SCUBE1: variants seen among roughly 807,000 people sequenced by gnomAD.
SCUBE1 encodes the protein signal peptide, CUB domain and EGF like domain containing 1.
A neutral mutation model predicts 124.4 loss-of-function variants in SCUBE1; 59 were observed. That is an observed-to-expected ratio of 0.47 (90% confidence interval 0.38 to 0.59). The LOEUF is 0.59. Among genes scored for constraint, SCUBE1 ranks in the 20% least tolerant of loss-of-function variants. The pLI is 0.00. For synonymous variants in SCUBE1, 545 were observed against 550.9 expected (o/e 0.99, Z 0.15); for missense variants, 1,150 against 1,371.2 (o/e 0.84, Z 2.55).
At chr22:43,274,073 T>A (rs1019760255) in intron 4 of SCUBE1, among the ~76,000 whole-genome samples, 1 of 151,914 alleles carries the variant, frequency 6.6e-6, no homozygotes, top group African/African-American at 2.4e-5. Flanking sequence ...CCCAGGCTGG[T>A]CACTAGGTGT....
chr22:43,294,461 A>G (rs572087246), intron 3 of SCUBE1, among the ~76,000 whole-genome samples: 25 of 152,140 alleles, frequency 1.6e-4, no homozygotes, highest in Non-Finnish European at 3.4e-4. Flanking sequence ...GGGCACTATG[A>G]GAAACAGTAC....
At chr22:43,342,097 T>A (rs1355441048) in intron 1 of SCUBE1, among the ~76,000 whole-genome samples, 2 of 151,774 alleles carry the variant, frequency 1.3e-5, no homozygotes, top group Admixed American at 6.6e-5. Flanking sequence ...ACGCCACCCA[T>A]ACCAGACCTC....
At position 43,343,277 on chromosome 22, in the gene SCUBE1, C is replaced by T. The variant is rs1927395468; in HGVS notation, c.-16G>A. The T allele has an allele frequency of 2.7e-6, 3 of 1,106,336 alleles. No homozygotes were observed. The highest frequency in any genetic ancestry group is 4.2e-5 in the South Asian group (1 of 23,938). 68.5% of individuals were successfully genotyped at this position (1,106,336 alleles called of 1,614,324 possible). A position where few individuals can be genotyped will look rare whatever the true frequency, so the allele number is the denominator to read the frequency against. ...CCGCGCCCATGCTCAATGCGGGCCC[C>T]GCTGGGCGTGCGGGCGTGCGGGGCG... On this transcript the variant is annotated 5_prime_UTR_variant, in exon 1 of 22. Coordinates refer to ENST00000360835, the MANE Select transcript of SCUBE1 (RefSeq NM_173050.5).
chr22:43,296,700 C>A (rs1427577175), intron 3 of SCUBE1, among the ~76,000 whole-genome samples: 1 of 152,238 alleles, frequency 6.6e-6, no homozygotes. Flanking sequence ...TCCACAGCCT[C>A]TTTTGATGTA....
At chr22:43,266,839 C>G (rs1309892793) in intron 4 of SCUBE1, among the ~76,000 whole-genome samples, 1 of 152,162 alleles carries the variant, frequency 6.6e-6, no homozygotes, top group Non-Finnish European at 1.5e-5. Context: ...GCTACGTCCC[C>G]TGAAGCTCTC....
intron 3 of SCUBE1, among the ~76,000 whole-genome samples, chr22:43,314,041 C>T (rs923276476): frequency 2.6e-5 from 4 of 152,086 alleles, no homozygotes; most frequent in East Asian, 3.9e-4. Context: ...AGAGGAGGTG[C>T]GAACGGGCCT....
chr22:43,284,684 T>C (rs548486991), intron 4 of SCUBE1, among the ~76,000 whole-genome samples: 1 of 152,346 alleles, frequency 6.6e-6, no homozygotes, highest in East Asian at 1.9e-4. Context: ...TGAATGGAAA[T>C]GCATGGAAAG....
intron 4 of SCUBE1, among the ~76,000 whole-genome samples, chr22:43,269,334 T>C (rs1255651397): frequency 6.6e-6 from 1 of 152,106 alleles, no homozygotes; most frequent in African/African-American, 2.4e-5. Context: ...AGAGAAACGA[T>C]GGCATGGTCT....
At chr22:43,236,932 G>T (rs10427744) in intron 7 of SCUBE1, among the ~76,000 whole-genome samples, 1 of 152,138 alleles carries the variant, frequency 6.6e-6, no homozygotes, top group African/African-American at 2.4e-5. Flanking sequence ...TTCCGTGAGC[G>T]AGCGAGTGAG....
chr22:43,281,525 TGTCACCTCCCTCAGTCACCCTCC>T lies in SCUBE1; in HGVS notation c.484+9498_484+9520del, dbSNP rs1413549085. Among the ~76,000 whole-genome samples, 43 of 78,522 alleles carry T rather than the reference TGTCACCTCCCTCAGTCACCCTCC, an allele frequency of 5.5e-4. 3 individuals are homozygous for T. In the East Asian group the frequency reaches 0.018, roughly 33 times the overall value. 51.5% of individuals were successfully genotyped at this position (78,522 alleles called of 152,430 possible). A position where few individuals can be genotyped will look rare whatever the true frequency, so the allele number is the denominator to read the frequency against. ...GTCACCTCCTCCTCAGCCACCCTCC[TGTCACCTCCCTCAGTCACCCTCC>T]TGTCACCTCCCCCTCAGCCACCCTC... On this transcript the variant is annotated intron_variant, in intron 4 of 21. Coordinates refer to ENST00000360835, the MANE Select transcript of SCUBE1 (RefSeq NM_173050.5).
chr22:43,220,404 T>C (rs748113561), intron 14 of SCUBE1, 46 bp downstream of exon 14: 2 of 1,592,680 alleles, frequency 1.3e-6, no homozygotes, highest in East Asian at 4.5e-5. Flanking sequence ...CAGCCTGTCG[T>C]CCTCCTTCAG....
chr22:43,198,603 G>C lies in SCUBE1; in HGVS notation c.*5394C>G, dbSNP rs1321094739. The stretch of plus-strand genomic sequence containing the variant: ...TACATCCTCTGCCCTTGGCCTGAAT[G>C]ATGTCGGCTCGGCATGGACACCTTG... On this transcript the variant is annotated 3_prime_UTR_variant, in exon 22 of 22. Coordinates refer to ENST00000360835, the MANE Select transcript of SCUBE1 (RefSeq NM_173050.5). 1 of 456,774 alleles carries C rather than the reference G, an allele frequency of 2.2e-6. No homozygotes were observed. Among genetic ancestry groups the C allele is most frequent in the East Asian group, 6.9e-5 (1 of 14,400 alleles). 28.3% of individuals were successfully genotyped at this position (456,774 alleles called of 1,614,324 possible).
chr22:43,316,400 T>A (rs907353812), intron 3 of SCUBE1, among the ~76,000 whole-genome samples: 1 of 152,224 alleles, frequency 6.6e-6, no homozygotes, highest in African/African-American at 2.4e-5. Flanking sequence ...CTTCACTGAC[T>A]AATCAGAGAC....
intron 4 of SCUBE1, among the ~76,000 whole-genome samples, chr22:43,263,565 C>T (rs1049830572): frequency 3.9e-5 from 6 of 152,214 alleles, no homozygotes; most frequent in East Asian, 3.8e-4. Flanking sequence ...CAACCTCCTT[C>T]CCCCGGGACA....
intron 3 of SCUBE1, among the ~76,000 whole-genome samples, chr22:43,307,408 G>A (rs1045768226): frequency 3.9e-5 from 6 of 152,242 alleles, no homozygotes; most frequent in Admixed American, 2.6e-4. Flanking sequence ...GTTATGGAGA[G>A]GAAAAGTGTT....
chr22:43,219,616 G>C (rs1452841756), intron 14 of SCUBE1, among the ~76,000 whole-genome samples: 1 of 152,042 alleles, frequency 6.6e-6, no homozygotes, highest in Non-Finnish European at 1.5e-5. Context: ...TGGGATTACA[G>C]GTGCCTGCCA....
At chr22:43,311,324 C>T (rs1926160880) in intron 3 of SCUBE1, among the ~76,000 whole-genome samples, 2 of 152,248 alleles carry the variant, frequency 1.3e-5, no homozygotes, top group South Asian at 4.1e-4. Flanking sequence ...GCACTGAAAA[C>T]CATGTCTGGC....
At chr22:43,310,091 C>G (rs899035315) in intron 3 of SCUBE1, among the ~76,000 whole-genome samples, 1 of 152,142 alleles carries the variant, frequency 6.6e-6, no homozygotes, top group Non-Finnish European at 1.5e-5. Flanking sequence ...ACCCCTTTCT[C>G]GAGACGATAT....
chr22:43,258,083 G>A lies in SCUBE1; in HGVS notation c.727+136C>T. ...CCGGCCATCCCCGCCATTGCCATGGGCTTGCCTTTCCTTGTTTCCCTGAAG... is the reference window on the plus strand; with the variant it reads ...CCGGCCATCCCCGCCATTGCCATGGACTTGCCTTTCCTTGTTTCCCTGAAG... On this transcript the variant is annotated intron_variant, in intron 6 of 21. Coordinates refer to ENST00000360835, the MANE Select transcript of SCUBE1 (RefSeq NM_173050.5). The surrounding 1 kb of genome is among the most constrained non-coding windows in gnomAD (Gnocchi z 5.0). 2.8e-6 allele frequency: 2 copies of A among 713,828 alleles called. No individual in the cohort carries two copies. Among genetic ancestry groups the A allele is most frequent in the East Asian group, 5.2e-5 (2 of 38,776 alleles). The allele number at this position is 713,828 out of a possible 1,614,324, so 44.2% of individuals were successfully genotyped here.
Sources: gnomAD v4.1 joint callset for allele counts (sites outside exome capture counted in the v4.1 genomes callset) on GRCh38, gnomAD v4.1.1 for gene constraint, Gnocchi (gnomAD v3.1) non-coding constraint, MANE v1.5 for transcripts, NCBI Gene and HGNC (gene_info 2026-07-23, HGNC 2026-07-21) for gene names.